Variants in CD80 observed in about 807,000 individuals in gnomAD.
CD80 encodes the protein T-lymphocyte activation antigen CD80.
A neutral mutation model predicts 27.1 loss-of-function variants in CD80; 13 were observed. The observed-to-expected ratio is 0.48, with a 90% CI of 0.31 to 0.76. CD80 has a LOEUF of 0.76. Among genes scored for constraint, CD80 ranks in the 30% least tolerant of loss-of-function variants. The pLI, the probability that CD80 is intolerant of heterozygous loss-of-function variation, is 0.04. For missense variants in CD80, 277 were observed against 347.9 expected, an observed-to-expected ratio of 0.80 and a Z score of 1.62; for synonymous variants, 125 against 125.5, an observed-to-expected ratio of 1.00 and a Z score of 0.03.
At chr3:119,539,098 T>C (rs909824979) in intron 3 of CD80, among the ~76,000 whole-genome samples, 4 of 152,244 alleles carry the variant, frequency 2.6e-5, no homozygotes, top group Non-Finnish European at 4.4e-5. Context: ...ATCAGTAATG[T>C]TTTCATTTGA....
chr3:119,553,151 A>T, intron 2 of CD80, among the ~76,000 whole-genome samples: 1 of 150,228 alleles, frequency 6.7e-6, no homozygotes, highest in Non-Finnish European at 1.5e-5. Context: ...TTATTTATTT[A>T]TTTACTGAGG....
chr3:119,559,215 A>C (rs2082280068), intron 1 of CD80, among the ~76,000 whole-genome samples: 1 of 152,112 alleles, frequency 6.6e-6, no homozygotes, highest in Non-Finnish European at 1.5e-5. Context: ...ATTTGCTAGG[A>C]TCTAGGATAT....
At chr3:119,529,024 C>G (rs1247660465) in intron 5 of CD80, among the ~76,000 whole-genome samples, 1 of 151,792 alleles carries the variant, frequency 6.6e-6, no homozygotes, top group Non-Finnish European at 1.5e-5. Flanking sequence ...TCACTGCAGT[C>G]TCCGCCTCCT....
chr3:119,528,493 T>A (rs1276250769), intron 5 of CD80, among the ~76,000 whole-genome samples: 1 of 152,224 alleles, frequency 6.6e-6, no homozygotes, highest in African/African-American at 2.4e-5. Context: ...GGGCAGCATA[T>A]GTCTAACACC....
rs554004644 is a variant in CD80 at position 119,544,752 on chromosome 3, C to G, written c.216G>C (p.Met72Ile). Residue 72 changes from methionine (M) to isoleucine (I), a missense_variant, in exon 3 of 7, where the codon ATG (methionine) becomes ATC (isoleucine). Transcript: ENST00000264246. ...TRIYWQKEKK[M>I]VLTMMSGDMN... is the part of the protein sequence containing the mutation. ...TGTCCCCAGACATCATAGTCAGCAC[C>G]ATTTTCTTCTCCTTTTGCCAGTAGA... The G allele has an allele frequency of 4.3e-6, 7 of 1,614,208 alleles. No homozygotes were observed. The South Asian group carries it at 6.6e-5, about 15-fold the overall frequency.
intron 1 of CD80, among the ~76,000 whole-genome samples, 167 bp from the exon 2 acceptor site, chr3:119,558,095 AG>A (rs1397380623): frequency 6.6e-6 from 1 of 152,226 alleles, no homozygotes; most frequent in Admixed American, 6.5e-5. Flanking sequence ...TGAGGGGACC[AG>A]TTCCAAGAAC....
At position 119,532,449 on chromosome 3, in the gene CD80, C is replaced by T. The variant is rs759825396; in HGVS notation, c.701-2512G>A. Reference sequence around the variant, plus strand: ...CAGAGGTTGCAATGAGCCAAGATTGCACTCCAGCCTGGGTGACAGAGTGAG... The same window carrying T: ...CAGAGGTTGCAATGAGCCAAGATTGTACTCCAGCCTGGGTGACAGAGTGAG... On this transcript the variant is annotated intron_variant, in intron 4 of 6. Transcript: ENST00000264246. Among the ~76,000 whole-genome samples, 4 of 151,516 alleles carry T rather than the reference C, an allele frequency of 2.6e-5. No homozygotes were observed. The East Asian group carries it at 7.8e-4, about 29-fold the overall frequency.
At chr3:119,546,791 C>T (rs1173838740) in intron 2 of CD80, among the ~76,000 whole-genome samples, 3 of 150,460 alleles carry the variant, frequency 2.0e-5, no homozygotes, top group African/African-American at 7.3e-5. Context: ...TACAGCCCCT[C>T]TCCCCACAAT....
chr3:119,536,238 G>A (rs112913486), intron 4 of CD80, among the ~76,000 whole-genome samples: 5,969 of 152,124 alleles, frequency 0.039, 151 homozygotes, highest in African/African-American at 0.071. Flanking sequence ...GCAACAGGGC[G>A]AGACACTGTC....
intron 2 of CD80, among the ~76,000 whole-genome samples, chr3:119,545,738 A>ACC (rs533669907): frequency 7.1e-5 from 10 of 140,486 alleles, no homozygotes; most frequent in African/African-American, 2.8e-4. Context: ...TTACACACAC[A>ACC]CCCCCCCCCA....
intron 6 of CD80, among the ~76,000 whole-genome samples, chr3:119,526,823 A>G (rs2082070009): frequency 6.6e-6 from 1 of 152,192 alleles, no homozygotes. Flanking sequence ...ATAATTTTGT[A>G]GACTAATTCC....
chr3:119,525,262 A>G lies in CD80; in HGVS notation c.*526T>C, dbSNP rs2082058008. 1 of 152,004 alleles carries G rather than the reference A, an allele frequency of 6.6e-6. No homozygotes were observed. The highest frequency in any genetic ancestry group is 1.5e-5 in the Non-Finnish European group (1 of 68,042). The allele number at this position is 152,004 out of a possible 1,614,324, so 9.4% of individuals were successfully genotyped here. On this transcript the variant is annotated 3_prime_UTR_variant, in exon 7 of 7. Coordinates refer to ENST00000264246, the MANE Select transcript of CD80 (RefSeq NM_005191.4). The stretch of plus-strand genomic sequence containing the variant: ...TCATGCCATACTTCCTATGCATTAC[A>G]TTGGGCTTTTGTAAACAGCAGCATA...
rs779283878 is a variant in CD80 at position 119,544,674 on chromosome 3, G to A, written c.294C>T (p.Asn98=). The A allele has an allele frequency of 2.1e-5, 34 of 1,613,938 alleles. No homozygotes were observed. The highest frequency in any genetic ancestry group is 1.6e-4 in the Middle Eastern group (1 of 6,084). Residue 98 remains asparagine, a synonymous_variant, in exon 3 of 7, where the codon AAC becomes AAT. Coordinates refer to ENST00000264246, the MANE Select transcript of CD80 (RefSeq NM_005191.4). The part of the protein sequence containing the change: ...KNRTIFDITN[N]LSIVILALRP... ...GCAGAGCCAGGATCACAATGGAGAG[G>A]TTATTAGTGATATCAAAGATGGTCC...
chr3:119,529,947 G>T lies in CD80; in HGVS notation c.701-10C>A. 6.3e-7 allele frequency: 1 copy of T among 1,581,602 alleles called. No homozygotes were observed. ...AAATGCTCTTGCTTGGCTATGGAGG[G>T]AAAAGAATAATGTCAGCTGTAATGT... On this transcript the variant is annotated splice_polypyrimidine_tract_variant and intron_variant, in intron 4 of 6. Coordinates refer to ENST00000264246, the MANE Select transcript of CD80 (RefSeq NM_005191.4).
intron 4 of CD80, 27 bp from the exon 5 acceptor site, chr3:119,529,964 C>T: frequency 6.7e-7 from 1 of 1,495,328 alleles, no homozygotes; most frequent in Non-Finnish European, 9.3e-7. Context: ...ATAATGTCAG[C>T]TGTAATGTAT....
At chr3:119,541,220 T>G (rs2082166973) in intron 3 of CD80, among the ~76,000 whole-genome samples, 1 of 152,286 alleles carries the variant, frequency 6.6e-6, no homozygotes, top group East Asian at 1.9e-4. Context: ...TTTAATTAGT[T>G]AACCCAATTT....
At chr3:119,548,440 A>C (rs954512204) in intron 2 of CD80, among the ~76,000 whole-genome samples, 1 of 152,208 alleles carries the variant, frequency 6.6e-6, no homozygotes, top group Non-Finnish European at 1.5e-5. Flanking sequence ...TATAAGTGCC[A>C]ACCATGGGTT....
intron 2 of CD80, among the ~76,000 whole-genome samples, chr3:119,551,236 C>T (rs1284244270): frequency 6.6e-6 from 1 of 152,164 alleles, no homozygotes; most frequent in East Asian, 1.9e-4. Context: ...CTTGAGCAAG[C>T]TGGGTAACCT....
chr3:119,549,479 T>C (rs3915039), intron 2 of CD80, among the ~76,000 whole-genome samples: 20,044 of 152,224 alleles, frequency 0.13, 1,679 homozygotes, highest in Admixed American at 0.22. Flanking sequence ...AGTGCTGTCG[T>C]ACTGTGCCTT....
Sources: gnomAD v4.1 joint callset for allele counts (sites outside exome capture counted in the v4.1 genomes callset) on GRCh38, gnomAD v4.1.1 for gene constraint, MANE v1.5 for transcripts, NCBI Gene and HGNC (gene_info 2026-07-23, HGNC 2026-07-21) for gene names.